Variants in TEAD4 observed in about 807,000 individuals in gnomAD.
The protein encoded by TEAD4 is TEA domain transcription factor 4.
TEAD4 carries 36 observed loss-of-function variants against 52.4 expected under a neutral mutation model. The observed-to-expected ratio is 0.69, with a 90% CI of 0.53 to 0.91. TEAD4 has a LOEUF of 0.91. Among genes scored for constraint, TEAD4 ranks in the 40% least tolerant of loss-of-function variants. TEAD4 has a pLI of 0.00. For synonymous variants in TEAD4, 220 were observed against 231.0 expected (o/e 0.95, Z 0.43); for missense variants, 508 against 583.9 (o/e 0.87, Z 1.34).
At chr12:2,974,221 T>C (rs979371589) in intron 2 of TEAD4, among the ~76,000 whole-genome samples, 1 of 152,178 alleles carries the variant, frequency 6.6e-6, no homozygotes, top group Non-Finnish European at 1.5e-5. Context: ...CAGGTTGGTC[T>C]CGAACTGTTG....
intron 3 of TEAD4, among the ~76,000 whole-genome samples, chr12:3,003,644 TG>T (rs2098253476): frequency 6.6e-6 from 1 of 152,122 alleles, no homozygotes; most frequent in South Asian, 2.1e-4. Flanking sequence ...TCGCCCCCGG[TG>T]GGGTGGGGCC....
intron 3 of TEAD4, among the ~76,000 whole-genome samples, chr12:2,995,247 G>T (rs1334367904): frequency 4.6e-5 from 7 of 152,164 alleles, no homozygotes. Flanking sequence ...GAATCTGGGT[G>T]GGGTAGAACA....
intron 5 of TEAD4, among the ~76,000 whole-genome samples, chr12:3,015,415 C>T (rs552024989): frequency 1.1e-4 from 16 of 152,328 alleles, no homozygotes; most frequent in African/African-American, 3.1e-4. Context: ...GAAAACCTTC[C>T]GTGGGCTGCC....
intron 7 of TEAD4, 127 bp from the exon 8 acceptor site, chr12:3,018,988 C>T (rs2098266653): frequency 8.3e-7 from 1 of 1,199,962 alleles, no homozygotes; most frequent in Non-Finnish European, 1.2e-6. Flanking sequence ...AGTAGGAGGC[C>T]AAGGCCCATC....
At chr12:3,008,453 A>G (rs933351733) in intron 3 of TEAD4, among the ~76,000 whole-genome samples, 6 of 152,162 alleles carry the variant, frequency 3.9e-5, no homozygotes, top group African/African-American at 1.4e-4. Flanking sequence ...AGGCCGTTGT[A>G]AGGACTTGGA....
intron 5 of TEAD4, 149 bp downstream of exon 5, chr12:3,012,381 C>T: frequency 2.5e-6 from 2 of 808,068 alleles, no homozygotes; most frequent in Non-Finnish European, 3.9e-6. Flanking sequence ...TGTAACCTCT[C>T]TCCCATCCGC....
chr12:2,988,442 C>T (rs964104870), intron 2 of TEAD4, among the ~76,000 whole-genome samples: 8 of 150,492 alleles, frequency 5.3e-5, no homozygotes, highest in Non-Finnish European at 1.0e-4. Flanking sequence ...TCGCTTGAAC[C>T]TGGGAGGCAG....
rs1374331835 is a variant in TEAD4 at position 3,040,319 on chromosome 12, G to T, written c.1192-46G>T. ...TGTGTGTGGGTAGCAGCCATGGCAT[G>T]CCCCTTCTGGGGCCTTATTAACCCT... is the stretch of plus-strand genomic sequence containing the variant. On this transcript the variant is annotated intron_variant, in intron 12 of 12. Transcript: ENST00000359864. 7.4e-6 allele frequency: 12 copies of T among 1,613,968 alleles called. No individual in the cohort carries two copies. The Middle Eastern group carries it at 1.8e-3, about 244-fold the overall frequency.
chr12:2,965,709 A>AT (rs139423775), intron 2 of TEAD4, among the ~76,000 whole-genome samples: 5,322 of 151,598 alleles, frequency 0.035, 312 homozygotes, highest in African/African-American at 0.12. Flanking sequence ...CCGCCACCTA[A>AT]TTTTTTTGTA....
rs2098282077 is a variant in TEAD4, at chr12:3,040,454, C to T, written c.1281C>T (p.His427=). 6.2e-7 allele frequency: 1 copy of T among 1,614,036 alleles called. No homozygotes were observed. The highest frequency in any genetic ancestry group is 8.5e-7 in the Non-Finnish European group (1 of 1,180,008). The stretch of plus-strand genomic sequence containing the variant: ...CCAGTGAGCACGGGGCTCAGCACCA[C>T]ATCTACAGGCTGGTGAAAGAATGAG... The change falls in exon 13 of 13, where the codon CAC becomes CAT. Residue 427 remains histidine (H), a synonymous_variant. Coordinates refer to ENST00000359864, the MANE Select transcript of TEAD4 (RefSeq NM_003213.4).
At chr12:2,962,692 ACTC>A (rs2098216793) in intron 2 of TEAD4, among the ~76,000 whole-genome samples, 1 of 150,880 alleles carries the variant, frequency 6.6e-6, no homozygotes, top group Non-Finnish European at 1.5e-5. Context: ...CTGGTCTTGA[ACTC>A]CTGACCTCAG....
intron 5 of TEAD4, 51 bp downstream of exon 5, chr12:3,012,283 A>G: frequency 1.3e-6 from 2 of 1,586,610 alleles, no homozygotes; most frequent in Non-Finnish European, 1.7e-6. Flanking sequence ...GGTGGCCAGC[A>G]GCATATCTTC....
Position 3,037,951 on chromosome 12 carries a change from C to T in TEAD4, c.898-17C>T. On this transcript the variant is annotated splice_polypyrimidine_tract_variant and intron_variant, in intron 10 of 12. Transcript: ENST00000359864. The stretch of plus-strand genomic sequence containing the variant: ...CACCTGCTGACACTCCCTCGCCTTC[C>T]CACTGTCTCCCTCCAGGCAGACCTC... The T allele has an allele frequency of 6.2e-7, 1 of 1,606,272 alleles. No homozygotes were observed. Among genetic ancestry groups the T allele is most frequent in the Non-Finnish European group, 8.5e-7 (1 of 1,174,418 alleles).
chr12:2,983,927 G>T (rs1029762299), intron 2 of TEAD4, among the ~76,000 whole-genome samples: 3 of 152,250 alleles, frequency 2.0e-5, no homozygotes, highest in Admixed American at 6.5e-5. Context: ...TGGGAGATGG[G>T]GGCTGGATAT....
In TEAD4 at chr12:2,994,972, C is replaced by G; in HGVS notation, c.206C>G (p.Ser69Trp). The change falls in exon 3 of 13, where the codon TCG (serine) becomes TGG (tryptophan). Residue 69 changes from serine (S) to tryptophan (W), a missense_variant. Transcript: ENST00000359864. This position sits in a 1 kb window ranked among gnomAD's most constrained non-coding sequence, Gnocchi z 4.7. Reference sequence around the variant, plus strand: ...TGTGGCAGGCGCAAAATCATCCTGTCGGACGAGGGCAAGATGTATGGTAAG... The same window carrying G: ...TGTGGCAGGCGCAAAATCATCCTGTGGGACGAGGGCAAGATGTATGGTAAG... 1 of 1,613,988 alleles carries G rather than the reference C, an allele frequency of 6.2e-7. No homozygotes were observed. The highest frequency in any genetic ancestry group is 8.5e-7 in the Non-Finnish European group (1 of 1,179,964).
chr12:2,990,461 C>CTTTTTTTTTTT lies in TEAD4; in HGVS notation c.-29-4260_-29-4250dup, dbSNP rs71057876. On this transcript the variant is annotated intron_variant, in intron 2 of 12. Coordinates refer to ENST00000359864, the MANE Select transcript of TEAD4 (RefSeq NM_003213.4). ...TAGAATTTAGGCTAAGACAGATAATCTTTTTTTTTTTTTTTTTTTTTTTTT... is the reference window on the plus strand; with the variant it reads ...TAGAATTTAGGCTAAGACAGATAATCTTTTTTTTTTTTTTTTTTTTTTTTTTTTTTTTTTTT... 1.8e-3 allele frequency among the ~76,000 whole-genome samples: 121 copies of CTTTTTTTTTTT among 67,042 alleles called. 28 individuals carry two copies. Among genetic ancestry groups the CTTTTTTTTTTT allele is most frequent in the African/African-American group, 6.3e-3 (108 of 17,022 alleles). The allele number at this position is 67,042 out of a possible 152,430, so 44.0% of individuals were successfully genotyped here.
At chr12:2,962,347 T>TATATA (rs148487800) in intron 2 of TEAD4, among the ~76,000 whole-genome samples, 1 of 27,962 alleles carries the variant, frequency 3.6e-5, no homozygotes, top group Admixed American at 4.5e-4. Flanking sequence ...TATATATATA[T>TATATA]TTTTTGAGAT....
intron 10 of TEAD4, among the ~76,000 whole-genome samples, chr12:3,036,030 T>G (rs568081190): frequency 2.0e-5 from 3 of 152,050 alleles, no homozygotes; most frequent in South Asian, 2.1e-4. Flanking sequence ...GCATCACAGA[T>G]GGAGACAGAG....
intron 2 of TEAD4, among the ~76,000 whole-genome samples, chr12:2,964,560 CGATTCT>C (rs1216239519): frequency 6.6e-6 from 1 of 151,006 alleles, no homozygotes. Context: ...TGGATTCAAG[CGATTCT>C]CCTGCCTCAG....
Sources: gnomAD v4.1 joint callset for allele counts (sites outside exome capture counted in the v4.1 genomes callset) on GRCh38, gnomAD v4.1.1 for gene constraint, Gnocchi (gnomAD v3.1) non-coding constraint, MANE v1.5 for transcripts, NCBI Gene and HGNC (gene_info 2026-07-23, HGNC 2026-07-21) for gene names.